CFAP43: variants seen among roughly 807,000 people sequenced by gnomAD.
The protein encoded by CFAP43 is cilia and flagella associated protein 43.
In CFAP43, 155 loss-of-function variants were observed where a neutral mutation model predicts 218.9. The ratio of observed to expected loss-of-function variants is 0.71; its 90% CI spans 0.62 to 0.81. CFAP43 has a LOEUF of 0.81. Among genes scored for constraint, CFAP43 ranks in the 30% least tolerant of loss-of-function variants. CFAP43 has a pLI of 0.00. For synonymous variants in CFAP43, 645 were observed against 681.3 expected (o/e 0.95, Z 0.83); for missense variants, 1,778 against 1,954.3 (o/e 0.91, Z 1.70).
At chr10:104,223,558 G>A (rs1564817129) in intron 3 of CFAP43, among the ~76,000 whole-genome samples, 2 of 152,212 alleles carry the variant, frequency 1.3e-5, no homozygotes, top group Non-Finnish European at 2.9e-5. Flanking sequence ...ACACATTTGT[G>A]CTCATTCCAC....
At chr10:104,159,605 C>T (rs901975291) in intron 27 of CFAP43, among the ~76,000 whole-genome samples, 7 of 152,244 alleles carry the variant, frequency 4.6e-5, no homozygotes, top group South Asian at 4.1e-4. Flanking sequence ...GAAAGGCAGA[C>T]GCCATGGATT....
rs2090101698 is a variant in CFAP43, at chr10:104,188,416, AG to A, written c.1547-7del. 1.2e-6 allele frequency: 2 copies of A among 1,609,856 alleles called. No homozygotes were observed. The highest frequency in any genetic ancestry group is 1.7e-4 in the Middle Eastern group (1 of 5,792). Reference sequence around the variant, plus strand: ...TAAAATGTCTTTGGCCACCTCTGAAAGCAAACAGAGATCAACACCACAAGTG... The same window carrying A: ...TAAAATGTCTTTGGCCACCTCTGAAACAAACAGAGATCAACACCACAAGTG... On this transcript the variant is annotated splice_polypyrimidine_tract_variant and splice_region_variant and intron_variant, in intron 12 of 37. Coordinates refer to ENST00000357060, the MANE Select transcript of CFAP43 (RefSeq NM_025145.7).
At chr10:104,143,765 G>C in intron 31 of CFAP43, 126 bp from the exon 32 acceptor site, 1 of 899,120 alleles carries the variant, frequency 1.1e-6, no homozygotes, top group Admixed American at 2.5e-5. Context: ...GTGATGGCTG[G>C]TAGGTGGGTT....
chr10:104,178,914 G>T, intron 19 of CFAP43, 115 bp downstream of exon 19: 2 of 655,280 alleles, frequency 3.1e-6, no homozygotes, highest in Non-Finnish European at 4.9e-6. Context: ...AGAAAACTGA[G>T]CTTACAAGCA....
chr10:104,197,889 A>T, intron 9 of CFAP43, 33 bp downstream of exon 9: 1 of 1,362,204 alleles, frequency 7.3e-7, no homozygotes, highest in Non-Finnish European at 1.0e-6. Flanking sequence ...TCGTATCTTT[A>T]GTCCTACTGT....
At position 104,185,082 on chromosome 10, in the gene CFAP43, G is replaced by A. The variant is rs748022068; in HGVS notation, c.2075C>T (p.Ser692Leu). 1.9e-6 allele frequency: 3 copies of A among 1,614,100 alleles called. No individual in the cohort carries two copies. The Admixed American group carries it at 5.0e-5, about 27-fold the overall frequency. The change falls in exon 16 of 38, where the codon TCA becomes TTA. Residue 692 changes from serine (S) to leucine (L), a missense_variant. By Grantham distance (145) the Ser-to-Leu change is moderately radical. Transcript: ENST00000357060. ...QGHGIQSMRI[S>L]MDGQNILVNG... ...CACCAGAATGTTTTGTCCATCCATTGAAATTCTCATTGACTGAATCCCATG... is the reference window on the plus strand; with the variant it reads ...CACCAGAATGTTTTGTCCATCCATTAAAATTCTCATTGACTGAATCCCATG...
intron 31 of CFAP43, 32 bp downstream of exon 31, chr10:104,145,444 C>A: frequency 6.7e-7 from 1 of 1,498,164 alleles, no homozygotes; most frequent in Non-Finnish European, 9.2e-7. Context: ...AAACTTTTTT[C>A]TCAGAAACAC....
At chr10:104,203,542 C>T in intron 8 of CFAP43, 130 bp downstream of exon 8, 1 of 855,910 alleles carries the variant, frequency 1.2e-6, no homozygotes, top group Non-Finnish European at 1.6e-6. Flanking sequence ...GGTATTTTTT[C>T]ATTTACAACC....
At chr10:104,145,109 T>C (rs1405850419) in intron 31 of CFAP43, among the ~76,000 whole-genome samples, 1 of 152,234 alleles carries the variant, frequency 6.6e-6, no homozygotes, top group Non-Finnish European at 1.5e-5. Context: ...GTAGTTCCGA[T>C]TTATACATCA....
chr10:104,193,216 C>T (rs990088966), intron 11 of CFAP43: 3 of 151,964 alleles, frequency 2.0e-5, no homozygotes, highest in African/African-American at 7.3e-5. Context: ...ATTAATATAC[C>T]GTTTTTAAAA....
At chr10:104,185,896 T>C (rs2090012748) in intron 15 of CFAP43, 78 bp downstream of exon 15, 1 of 1,353,504 alleles carries the variant, frequency 7.4e-7, no homozygotes, top group Non-Finnish European at 1.0e-6. Flanking sequence ...TAAGCAAATT[T>C]TTATATACAT....
At chr10:104,168,098 A>G (rs1412586378) in intron 21 of CFAP43, among the ~76,000 whole-genome samples, 3 of 152,154 alleles carry the variant, frequency 2.0e-5, no homozygotes, top group Non-Finnish European at 2.9e-5. Context: ...GAGGCCAGAG[A>G]TGTTGCTACA....
intron 2 of CFAP43, 151 bp from the exon 3 acceptor site, chr10:104,225,708 A>C: frequency 1.5e-6 from 1 of 658,174 alleles, no homozygotes; most frequent in South Asian, 2.3e-5. Context: ...GCTAATTTCT[A>C]AGACCATGAA....
intron 9 of CFAP43, 44 bp downstream of exon 9, chr10:104,197,878 A>G: frequency 7.6e-7 from 1 of 1,315,580 alleles, no homozygotes; most frequent in Non-Finnish European, 1.1e-6. Flanking sequence ...TTGCAACATC[A>G]TCGTATCTTT....
chr10:104,187,866 T>C (rs2090082017), intron 13 of CFAP43, among the ~76,000 whole-genome samples: 1 of 152,230 alleles, frequency 6.6e-6, no homozygotes, highest in Non-Finnish European at 1.5e-5. Context: ...ATATTTGTCA[T>C]TAAAACAAGG....
In CFAP43 at chr10:104,150,008, A is replaced by G. The variant is rs535699224; in HGVS notation, c.3661-2010T>C. Among the ~76,000 whole-genome samples, 22 of 152,342 alleles carry G rather than the reference A, an allele frequency of 1.4e-4. No homozygotes were observed. In the East Asian group the frequency reaches 3.9e-3, roughly 27 times the overall value. ...TGGCTTTATAAATTTGCCGTTTTAG[A>G]AACTATATGATTCCACAAAAATGGA... On this transcript the variant is annotated intron_variant, in intron 28 of 37. Transcript: ENST00000357060.
chr10:104,205,103 C>G lies in CFAP43; in HGVS notation c.963+860G>C, dbSNP rs191005120. On this transcript the variant is annotated intron_variant, in intron 7 of 37. Coordinates refer to ENST00000357060, the MANE Select transcript of CFAP43 (RefSeq NM_025145.7). ...TGGTGTGCACCTGTAGTCCCAGCTA[C>G]TCGGGAGGCTGAGGCAGGAGAATGG... Among the ~76,000 whole-genome samples, 12 of 150,846 alleles carry G rather than the reference C, an allele frequency of 8.0e-5. No homozygotes were observed. The East Asian group carries it at 2.4e-3, about 30-fold the overall frequency.
chr10:104,186,194 A>G (rs2090023178), intron 14 of CFAP43, 71 bp from the exon 15 acceptor site: 1 of 1,256,600 alleles, frequency 8.0e-7, no homozygotes, highest in African/African-American at 1.5e-5. Context: ...TTGCAGATAT[A>G]CATGCCTGTT....
chr10:104,132,795 C>G (rs909940885), intron 35 of CFAP43: 31 of 975,448 alleles, frequency 3.2e-5, no homozygotes, highest in Non-Finnish European at 3.8e-5. Flanking sequence ...TGTTGTTCCA[C>G]TTGAGTCCCA....
Sources: gnomAD v4.1 joint callset for allele counts (sites outside exome capture counted in the v4.1 genomes callset) on GRCh38, gnomAD v4.1.1 for gene constraint, MANE v1.5 for transcripts, NCBI Gene and HGNC (gene_info 2026-07-23, HGNC 2026-07-21) for gene names.